Variants in PPARG observed in about 807,000 individuals in gnomAD.
The protein encoded by PPARG is peroxisome proliferator-activated receptor gamma.
PPARG carries 17 observed loss-of-function variants against 39.2 expected under a neutral mutation model. The ratio of observed to expected loss-of-function variants is 0.43; its 90% CI spans 0.30 to 0.65. The LOEUF (loss-of-function observed/expected upper bound fraction) is 0.65, where lower values mean the gene tolerates loss of function less well. PPARG is among the 30% of genes least tolerant of loss of function. The pLI, the probability that PPARG is intolerant of heterozygous loss-of-function variation, is 0.13. For missense variants in PPARG, 406 were observed against 585.9 expected (o/e 0.69, Z 3.17); for synonymous variants, 223 against 215.7 (o/e 1.03, Z -0.30).
rs540677018 is a variant in PPARG, at chr3:12,308,982, A to G, written c.-82-3398A>G. Among the ~76,000 whole-genome samples, 425 of 152,308 alleles carry G rather than the reference A, an allele frequency of 2.8e-3. 2 individuals are homozygous for G. Among genetic ancestry groups the G allele is most frequent in the African/African-American group, 9.4e-3 (392 of 41,562 alleles). On this transcript the variant is annotated intron_variant, in intron 1 of 7. Transcript: ENST00000651735. Reference sequence around the variant, plus strand: ...ACCATTGAATTAAACCGAGAAGCAGATTGTTATTGTTGATGATGGTTTTGT... The same window carrying G: ...ACCATTGAATTAAACCGAGAAGCAGGTTGTTATTGTTGATGATGGTTTTGT...
At position 12,338,414 on chromosome 3, in the gene PPARG, C is replaced by A. The variant is rs182018486; in HGVS notation, c.-9+25961C>A. On this transcript the variant is annotated intron_variant, in intron 2 of 7. Coordinates refer to ENST00000651735, the MANE Select transcript of PPARG (RefSeq NM_138711.6). The stretch of plus-strand genomic sequence containing the variant: ...AGTTATTTTATTACTATATAGATAT[C>A]TCTCTCTTAAAATTGCTTGAGTACA... Among the ~76,000 whole-genome samples the A allele has an allele frequency of 1.7e-3, 260 of 152,186 alleles. 1 individual carries two copies. The highest frequency in any genetic ancestry group is 5.8e-3 in the African/African-American group (241 of 41,540).
chr3:12,384,362 G>A (rs1197979064), intron 4 of PPARG, among the ~76,000 whole-genome samples: 5 of 151,748 alleles, frequency 3.3e-5, no homozygotes, highest in Admixed American at 2.0e-4. Flanking sequence ...GTTTTTATTC[G>A]GCGTAAAGAT....
At chr3:12,375,738 G>A (rs565549732) in intron 2 of PPARG, among the ~76,000 whole-genome samples, 41 of 152,192 alleles carry the variant, frequency 2.7e-4, no homozygotes, top group African/African-American at 8.9e-4. Context: ...CTTTTTTCTG[G>A]ATGTCATTGA....
At chr3:12,351,578 C>G in intron 2 of PPARG, 1 of 1,575,622 alleles carries the variant, frequency 6.3e-7, no homozygotes, top group South Asian at 1.1e-5. Flanking sequence ...CAGCAAACCC[C>G]TATTCCATGC....
At chr3:12,363,212 A>C (rs1045955334) in intron 2 of PPARG, among the ~76,000 whole-genome samples, 1 of 152,162 alleles carries the variant, frequency 6.6e-6, no homozygotes, top group Non-Finnish European at 1.5e-5. Flanking sequence ...GAGCCACTGT[A>C]TCTAGCCTAG....
intron 2 of PPARG, among the ~76,000 whole-genome samples, chr3:12,316,054 T>A (rs1396759341): frequency 6.6e-6 from 1 of 152,188 alleles, no homozygotes; most frequent in Non-Finnish European, 1.5e-5. Context: ...ATACAAGTAG[T>A]ACTACGGGAA....
intron 7 of PPARG, among the ~76,000 whole-genome samples, chr3:12,433,259 T>C (rs1286666432): frequency 6.6e-6 from 1 of 152,192 alleles, no homozygotes; most frequent in African/African-American, 2.4e-5. Flanking sequence ...GATTTCTGGC[T>C]GGGCACAGTG....
In PPARG at chr3:12,356,098, G is replaced by A. The variant is rs568224616; in HGVS notation, c.-8-23606G>A. On this transcript the variant is annotated intron_variant, in intron 2 of 7. Transcript: ENST00000651735. ...TAGCTCCCTTTGGACGCTTAAAATA[G>A]GCACTAGAGGTTGTCCAGTAAATGC... Among the ~76,000 whole-genome samples the A allele has an allele frequency of 4.6e-5, 7 of 152,290 alleles. No individual in the cohort carries two copies. In the South Asian group the frequency reaches 1.5e-3, roughly 32 times the overall value.
rs190211382 is a variant in PPARG, at chr3:12,354,604, T to C, written c.-8-25100T>C. 8.9e-4 allele frequency among the ~76,000 whole-genome samples: 135 copies of C among 151,802 alleles called. 1 individual carries two copies. Among genetic ancestry groups the C allele is most frequent in the African/African-American group, 3.2e-3 (132 of 41,398 alleles). On this transcript the variant is annotated intron_variant, in intron 2 of 7. Coordinates refer to ENST00000651735, the MANE Select transcript of PPARG (RefSeq NM_138711.6). Reference sequence around the variant, plus strand: ...CTGTCTCTACTAAAAATACAAAAAATTAGCCAGGCGTGGTGGTGGGCGCCT... The same window carrying C: ...CTGTCTCTACTAAAAATACAAAAAACTAGCCAGGCGTGGTGGTGGGCGCCT...
chr3:12,386,963 T>C (rs1283144706), intron 4 of PPARG, among the ~76,000 whole-genome samples: 2 of 151,638 alleles, frequency 1.3e-5, no homozygotes, highest in African/African-American at 2.4e-5. Context: ...AGTGAGAACG[T>C]GCAGTGTTTG....
chr3:12,340,067 G>C (rs556707277), intron 2 of PPARG, among the ~76,000 whole-genome samples: 1 of 152,278 alleles, frequency 6.6e-6, no homozygotes, highest in East Asian at 1.9e-4. Flanking sequence ...CTCTCCCATA[G>C]ATAACAATAT....
intron 5 of PPARG, among the ~76,000 whole-genome samples, chr3:12,403,453 G>T (rs1328861593): frequency 2.6e-4 from 39 of 151,906 alleles, no homozygotes; most frequent in Admixed American, 2.6e-3. Context: ...GGGCTCAAGG[G>T]ATCCTTCCAC....
intron 4 of PPARG, among the ~76,000 whole-genome samples, chr3:12,386,056 AAC>A (rs750376984): frequency 1.9e-4 from 29 of 152,190 alleles, no homozygotes; most frequent in Non-Finnish European, 4.1e-4. Context: ...ATGCATCTCT[AAC>A]ACACCACATC....
In PPARG at chr3:12,367,693, A is replaced by T. The variant is rs1247998508; in HGVS notation, c.-8-12011A>T. Among the ~76,000 whole-genome samples the T allele has an allele frequency of 5.3e-5, 8 of 150,486 alleles. No homozygotes were observed. The South Asian group carries it at 1.1e-3, about 20-fold the overall frequency. On this transcript the variant is annotated intron_variant, in intron 2 of 7. Coordinates refer to ENST00000651735, the MANE Select transcript of PPARG (RefSeq NM_138711.6). ...ATGATACCTTGCCTCTACAAAAAAA[A>T]AAATAAAAATAAAAAAATAAAAATA...
intron 1 of PPARG, among the ~76,000 whole-genome samples, chr3:12,292,904 C>A (rs1352294560): frequency 6.6e-6 from 1 of 152,144 alleles, no homozygotes; most frequent in Non-Finnish European, 1.5e-5. Context: ...CTGCCCACTG[C>A]AGTGTGGAGC....
chr3:12,322,834 C>T (rs951426305), intron 2 of PPARG, among the ~76,000 whole-genome samples: 1 of 152,118 alleles, frequency 6.6e-6, no homozygotes, highest in Non-Finnish European at 1.5e-5. Context: ...CAGGGTCTCA[C>T]TCTGTTGCTC....
At chr3:12,393,691 CTTTT>C (rs2050157752) in intron 5 of PPARG, among the ~76,000 whole-genome samples, 1 of 151,796 alleles carries the variant, frequency 6.6e-6, no homozygotes, top group Non-Finnish European at 1.5e-5. Context: ...TTTTTTCTTT[CTTTT>C]GTTTTCATCT....
rs1393014897 is a variant in PPARG, at chr3:12,433,918, G to A, written c.1201G>A (p.Val401Met). 3 of 1,614,102 alleles carry A rather than the reference G, an allele frequency of 1.9e-6. No homozygotes were observed. The highest frequency in any genetic ancestry group is 3.3e-5 in the Admixed American group (2 of 60,008). Residue 401 changes from valine to methionine, a missense_variant, in exon 8 of 8, where the codon GTG becomes ATG. Val to Met is a conservative substitution (Grantham distance 21). Around this residue, in one of 2 missense-constraint regions of PPARG, gnomAD observed 275 missense variants for 458.0 expected, o/e 0.60. Coordinates refer to ENST00000651735, the MANE Select transcript of PPARG (RefSeq NM_138711.6). ...CCCAGACCGCCCAGGTTTGCTGAAT[G>A]TGAAGCCCATTGAAGACATTCAAGA... is the stretch of plus-strand genomic sequence containing the variant. ...LSGDRPGLLN[V>M]KPIEDIQDNL...
chr3:12,433,843 C>G, intron 7 of PPARG, 55 bp from the exon 8 acceptor site: 2 of 1,612,132 alleles, frequency 1.2e-6, no homozygotes, highest in South Asian at 2.2e-5. Context: ...AAGGCGGGGC[C>G]CAGAGGATTT....
Sources: gnomAD v4.1 joint callset for allele counts (sites outside exome capture counted in the v4.1 genomes callset) on GRCh38, gnomAD v4.1.1 for gene constraint, gnomAD v4.1.1 regional missense constraint, MANE v1.5 for transcripts, NCBI Gene and HGNC (gene_info 2026-07-23, HGNC 2026-07-21) for gene names.